Variants in RAI14 observed in about 807,000 individuals in gnomAD.
RAI14 encodes the protein ankycorbin.
A neutral mutation model predicts 115.4 loss-of-function variants in RAI14; 45 were observed. The ratio of observed to expected loss-of-function variants is 0.39; its 90% CI spans 0.31 to 0.50. The LOEUF (loss-of-function observed/expected upper bound fraction) is 0.50. RAI14 is among the 20% of genes least tolerant of loss of function. RAI14 has a pLI of 0.85. For synonymous variants in RAI14, 371 were observed against 415.4 expected (o/e 0.89, Z 1.30); for missense variants, 939 against 1,131.2 (o/e 0.83, Z 2.44).
chr5:34,819,802 T>C (rs189093160), intron 13 of RAI14, among the ~76,000 whole-genome samples: 57 of 152,280 alleles, frequency 3.7e-4, no homozygotes, highest in African/African-American at 1.4e-3. Flanking sequence ...GGGGTCTTAC[T>C]GTATTGCCCA....
intron 2 of RAI14, among the ~76,000 whole-genome samples, chr5:34,748,340 ACT>A (rs1215567985): frequency 6.6e-6 from 1 of 151,862 alleles, no homozygotes. Flanking sequence ...TATCTGGAAC[ACT>A]CTTTTATGAA....
At chr5:34,693,657 G>A (rs1738898823) in intron 2 of RAI14, among the ~76,000 whole-genome samples, 1 of 152,224 alleles carries the variant, frequency 6.6e-6, no homozygotes, top group South Asian at 2.1e-4. Context: ...CGCACATTTG[G>A]TAAATAACAG....
At position 34,824,189 on chromosome 5, in the gene RAI14, A is replaced by G; in HGVS notation, c.2347A>G (p.Met783Val). Residue 783 changes from methionine (M) to valine (V), a missense_variant, in exon 15 of 18, where the codon ATG becomes GTG. By Grantham distance (21) the Met-to-Val change is conservative (BLOSUM62 1). Coordinates refer to ENST00000265109, the MANE Select transcript of RAI14 (RefSeq NM_015577.3). ...LEEKAAMTDA[M>V]VPRSSYEKLQ... ...AGAGAAAGCTGCTATGACTGATGCA[A>G]TGGTACCTCGGTCTTCCTATGAAAA... 4 of 1,614,198 alleles carry G rather than the reference A, an allele frequency of 2.5e-6. No homozygotes were observed. Among genetic ancestry groups the G allele is most frequent in the Non-Finnish European group, 3.4e-6 (4 of 1,180,016 alleles).
intron 2 of RAI14, among the ~76,000 whole-genome samples, chr5:34,720,504 G>A (rs1742554643): frequency 6.8e-6 from 1 of 147,604 alleles, no homozygotes; most frequent in Admixed American, 7.1e-5. Flanking sequence ...TCCACCTCCC[G>A]GGTTCATGCC....
At chr5:34,723,149 T>G (rs1468054228) in intron 2 of RAI14, among the ~76,000 whole-genome samples, 2 of 148,490 alleles carry the variant, frequency 1.3e-5, no homozygotes, top group African/African-American at 5.0e-5. Context: ...GGATCCACTG[T>G]GGAGTGATGG....
At chr5:34,767,875 A>T (rs1438130788) in intron 3 of RAI14, among the ~76,000 whole-genome samples, 1 of 151,408 alleles carries the variant, frequency 6.6e-6, no homozygotes, top group East Asian at 2.0e-4. Context: ...GAATGTCCCA[A>T]CACCGGGCTA....
rs1177117573 is a variant in RAI14, at chr5:34,814,576, T to C, written c.853-7T>C. ...TATTAATGATTTTCATTTTGTTTCT[T>C]TTTTAGTTGAGTGATGTCTCTTCCC... On this transcript the variant is annotated splice_polypyrimidine_tract_variant and splice_region_variant and intron_variant, in intron 11 of 17. Transcript: ENST00000265109. 6.2e-7 allele frequency: 1 copy of C among 1,603,850 alleles called. No homozygotes were observed. The highest frequency in any genetic ancestry group is 1.3e-5 in the African/African-American group (1 of 74,696).
chr5:34,699,115 C>T (rs989337560), intron 2 of RAI14, among the ~76,000 whole-genome samples: 1 of 152,136 alleles, frequency 6.6e-6, no homozygotes, highest in African/African-American at 2.4e-5. Context: ...AAGGTGAGAT[C>T]TCTTTGATTA....
At chr5:34,756,596 C>T (rs996449941) in intron 2 of RAI14, among the ~76,000 whole-genome samples, 24 of 152,310 alleles carry the variant, frequency 1.6e-4, no homozygotes, top group African/African-American at 5.1e-4. Flanking sequence ...ATTAATCCCA[C>T]GTGCTTCAAC....
At chr5:34,778,578 T>TAA (rs1751192546) in intron 3 of RAI14, among the ~76,000 whole-genome samples, 1 of 152,060 alleles carries the variant, frequency 6.6e-6, no homozygotes, top group Non-Finnish European at 1.5e-5. Context: ...AAAATGTTTT[T>TAA]ATACTCTTCG....
intron 14 of RAI14, among the ~76,000 whole-genome samples, chr5:34,822,671 T>C (rs1375658122): frequency 1.1e-4 from 3 of 27,632 alleles, no homozygotes; most frequent in African/African-American, 5.4e-4. Context: ...TATCTTTTTT[T>C]TTTTTTTTTT....
chr5:34,758,598 A>G (rs1444663101), intron 3 of RAI14, among the ~76,000 whole-genome samples: 3 of 152,152 alleles, frequency 2.0e-5, no homozygotes, highest in Non-Finnish European at 4.4e-5. Flanking sequence ...GACCTAGAGC[A>G]GGGTTTGGCT....
rs969661145 is a variant in RAI14, at chr5:34,756,694, G to A, written c.37-774G>A. Among the ~76,000 whole-genome samples the A allele has an allele frequency of 2.0e-5, 3 of 152,132 alleles. No individual in the cohort carries two copies. In the East Asian group the frequency reaches 5.8e-4, roughly 29 times the overall value. ...TCAGTGGCTCACTGCTGCCTTTCAT[G>A]TCTTTCTTAGTCTTATATTCAGAGC... On this transcript the variant is annotated intron_variant, in intron 2 of 17. Coordinates refer to ENST00000265109, the MANE Select transcript of RAI14 (RefSeq NM_015577.3).
At chr5:34,725,663 C>T (rs1743356264) in intron 2 of RAI14, among the ~76,000 whole-genome samples, 1 of 151,854 alleles carries the variant, frequency 6.6e-6, no homozygotes, top group Non-Finnish European at 1.5e-5. Context: ...TAACCAAGTG[C>T]TGCAATTAAA....
intron 13 of RAI14, among the ~76,000 whole-genome samples, chr5:34,820,660 T>C (rs973368453): frequency 6.6e-6 from 1 of 152,186 alleles, no homozygotes; most frequent in African/African-American, 2.4e-5. Flanking sequence ...ACACAGTTAC[T>C]TCACTAAGCA....
intron 3 of RAI14, among the ~76,000 whole-genome samples, chr5:34,795,226 G>T (rs1253902896): frequency 6.6e-6 from 1 of 152,196 alleles, no homozygotes; most frequent in Non-Finnish European, 1.5e-5. Context: ...CATGGTTTGT[G>T]CTCCCAAGTT....
chr5:34,807,519 A>C (rs1202345696), intron 5 of RAI14, among the ~76,000 whole-genome samples: 1 of 151,998 alleles, frequency 6.6e-6, no homozygotes, highest in African/African-American at 2.4e-5. Context: ...TTAAGATGAG[A>C]GAGCCTAGAG....
chr5:34,821,016 G>C (rs1485959696), intron 13 of RAI14, among the ~76,000 whole-genome samples: 3 of 152,210 alleles, frequency 2.0e-5, no homozygotes, highest in Non-Finnish European at 2.9e-5. Context: ...CGTGTGTTGA[G>C]AATGTAGAGG....
chr5:34,667,940 A>G (rs1743339282), intron 1 of RAI14, among the ~76,000 whole-genome samples: 1 of 152,226 alleles, frequency 6.6e-6, no homozygotes, highest in Non-Finnish European at 1.5e-5. Context: ...ATGAAAGCTG[A>G]CATATTGGTG....
Sources: gnomAD v4.1 joint callset for allele counts (sites outside exome capture counted in the v4.1 genomes callset) on GRCh38, gnomAD v4.1.1 for gene constraint, MANE v1.5 for transcripts, NCBI Gene and HGNC (gene_info 2026-07-23, HGNC 2026-07-21) for gene names.